The following AARS1 variants were observed in gnomAD, a reference collection of about 807,000 sequenced individuals.
AARS1 encodes alanine--tRNA ligase, cytoplasmic.
A neutral mutation model predicts 108.9 loss-of-function variants in AARS1; 72 were observed. The ratio of observed to expected loss-of-function variants is 0.66; its 90% CI spans 0.55 to 0.80. The LOEUF is 0.80. Ranked by LOEUF, AARS1 falls within the 30% of genes least tolerant of loss-of-function variation. The pLI is 0.00. For synonymous variants in AARS1, 489 were observed against 465.7 expected, an observed-to-expected ratio of 1.05 and a Z score of -0.64; for missense variants, 1,193 against 1,233.2, an observed-to-expected ratio of 0.97 and a Z score of 0.49.
intron 13 of AARS1, among the ~76,000 whole-genome samples, chr16:70,260,112 A>T (rs1960098503): frequency 1.3e-5 from 2 of 152,172 alleles, no homozygotes; most frequent in Admixed American, 1.3e-4. Flanking sequence ...CTGTTCATTT[A>T]CATATGGTCA....
chr16:70,256,565 G>T (rs755865646), intron 15 of AARS1, among the ~76,000 whole-genome samples: 3 of 152,140 alleles, frequency 2.0e-5, no homozygotes, highest in Non-Finnish European at 4.4e-5. Flanking sequence ...CTCCCTAAGT[G>T]CTGGGATTAA....
chr16:70,286,347 A>T (rs892698321), intron 1 of AARS1, among the ~76,000 whole-genome samples: 1 of 150,700 alleles, frequency 6.6e-6, no homozygotes. Context: ...CTGTGGCTCC[A>T]GCCACTCCAC....
In AARS1 at chr16:70,269,734, T is replaced by C. The variant is rs561670727; in HGVS notation, c.846A>G (p.Lys282=). The C allele has an allele frequency of 4.8e-5, 78 of 1,614,094 alleles. 1 individual carries two copies. In the South Asian group the frequency reaches 8.5e-4, roughly 17 times the overall value. ...TCCCATCGGCATCCTCAGCACCAAC[T>C]TTCCCAGTGTATGGTCGGGCACCTG... The part of the protein sequence containing the change: ...KGTGARPYTG[K]VGAEDADGID... Residue 282 remains lysine (K), a synonymous_variant, in exon 7 of 21, where the codon AAA becomes AAG. Coordinates refer to ENST00000261772, the MANE Select transcript of AARS1 (RefSeq NM_001605.3).
At chr16:70,285,742 C>T (rs917993573) in intron 1 of AARS1, among the ~76,000 whole-genome samples, 1 of 152,214 alleles carries the variant, frequency 6.6e-6, no homozygotes, top group East Asian at 1.9e-4. Context: ...AGCCACCGCG[C>T]CCAGCTAATT....
rs886052255 is a variant in AARS1, at chr16:70,262,430, C to T, written c.1587G>A (p.Leu529=). 1.9e-6 allele frequency: 3 copies of T among 1,614,184 alleles called. No homozygotes were observed. In the South Asian group the frequency reaches 3.3e-5, roughly 18 times the overall value. ...VSTGQECGVV[L]DKTCFYAEQG... is the part of the protein sequence containing the mutation. ...GCTCAGCATAGAAACAGGTCTTGTC[C>T]AGCACCACTCCACACTCCTGGCCTG... Residue 529 remains leucine, a synonymous_variant, in exon 12 of 21, where the codon CTG becomes CTA. Transcript: ENST00000261772.
intron 2 of AARS1, among the ~76,000 whole-genome samples, chr16:70,282,239 G>T (rs1960714553): frequency 6.8e-6 from 1 of 146,184 alleles, no homozygotes; most frequent in Non-Finnish European, 1.5e-5. Context: ...TGGGGCAGGA[G>T]AATGGCGTGA....
chr16:70,269,741 G>A lies in AARS1; in HGVS notation c.839C>T (p.Thr280Ile), dbSNP rs1039994291. The A allele has an allele frequency of 6.2e-7, 1 of 1,614,130 alleles. No individual in the cohort carries two copies. Among genetic ancestry groups the A allele is most frequent in the Non-Finnish European group, 8.5e-7 (1 of 1,180,026 alleles). ...IQKGTGARPY[T>I]GKVGAEDADG... ...GGCATCCTCAGCACCAACTTTCCCA[G>A]TGTATGGTCGGGCACCTGTGCCCTA... The change falls in exon 7 of 21, where the codon ACT becomes ATT. Residue 280 changes from threonine (T) to isoleucine (I), a missense_variant. Coordinates refer to ENST00000261772, the MANE Select transcript of AARS1 (RefSeq NM_001605.3).
chr16:70,272,374 C>T (rs530668355), intron 4 of AARS1, among the ~76,000 whole-genome samples: 10 of 151,558 alleles, frequency 6.6e-5, no homozygotes, highest in East Asian at 1.9e-4. Flanking sequence ...GGTGTGGTGG[C>T]GCATGCCTGT....
In AARS1 at chr16:70,259,189, G is replaced by GGAAAGGGCAGAGGGGCTC; in HGVS notation, c.1786-21_1786-4dup. ...CTCATGATGGGTCTTCGTCGGGGCTGGAAAGGGCAGAGGGGCTCATGGAGA... is the reference window on the plus strand; with the variant it reads ...CTCATGATGGGTCTTCGTCGGGGCTGGAAAGGGCAGAGGGGCTCGAAAGGGCAGAGGGGCTCATGGAGA... On this transcript the variant is annotated splice_region_variant and splice_polypyrimidine_tract_variant and intron_variant, in intron 13 of 20. Transcript: ENST00000261772. The GGAAAGGGCAGAGGGGCTC allele has an allele frequency of 6.2e-7, 1 of 1,613,752 alleles. No individual in the cohort carries two copies.
Position 70,264,152 on chromosome 16 carries a change from C to T in AARS1, c.1492+806G>A, listed in dbSNP as rs183220099. ...TCCCAGCTACTTGGGAGGCTGAGGC[C>T]GGAGAATCGCTTGAACCCAGGAGGT... On this transcript the variant is annotated intron_variant, in intron 11 of 20. Transcript: ENST00000261772. 5.3e-3 allele frequency among the ~76,000 whole-genome samples: 801 copies of T among 150,542 alleles called. 16 individuals are homozygous for T. The highest frequency in any genetic ancestry group is 0.018 in the African/African-American group (741 of 41,150).
chr16:70,277,096 C>T lies in AARS1; in HGVS notation c.203G>A (p.Arg68Lys), dbSNP rs750454792. The T allele has an allele frequency of 3.1e-6, 5 of 1,614,180 alleles. 1 individual carries two copies. In the South Asian group the frequency reaches 5.5e-5, roughly 18 times the overall value. ...DPSHPMAKLS[R>K]AANTQKCIRA... is the part of the protein sequence containing the mutation. ...GATGCACTTCTGGGTATTGGCAGCT[C>T]TGCTCAGCTTTGCCATGGGGTGAGA... Residue 68 changes from arginine to lysine, a missense_variant, in exon 3 of 21, where the codon AGA becomes AAA. Arg to Lys is a conservative substitution (Grantham distance 26). Transcript: ENST00000261772.
intron 7 of AARS1, 139 bp from the exon 8 acceptor site, chr16:70,268,518 C>A: frequency 3.0e-6 from 2 of 675,376 alleles, no homozygotes. Context: ...TCCCCAAGGT[C>A]ATTAATTTTA....
At chr16:70,275,198 T>C (rs1180514180) in intron 4 of AARS1, among the ~76,000 whole-genome samples, 4 of 152,118 alleles carry the variant, frequency 2.6e-5, no homozygotes, top group African/African-American at 9.6e-5. Flanking sequence ...AGGCAGAGGT[T>C]ACAGTGAGCC....
chr16:70,285,235 A>AG (rs1960810638), intron 1 of AARS1, among the ~76,000 whole-genome samples: 1 of 152,080 alleles, frequency 6.6e-6, no homozygotes, highest in Non-Finnish European at 1.5e-5. Context: ...TCTAAAAAAA[A>AG]AAAAAAAGGA....
At chr16:70,265,365 CATT>C in intron 10 of AARS1, 170 bp downstream of exon 10, 1 of 1,114,134 alleles carries the variant, frequency 9.0e-7, no homozygotes. Flanking sequence ...TGTCTTCAGA[CATT>C]ATCGCCAATT....
chr16:70,273,655 G>A (rs553881776), intron 4 of AARS1, among the ~76,000 whole-genome samples: 9 of 152,078 alleles, frequency 5.9e-5, no homozygotes, highest in Admixed American at 5.2e-4. Context: ...GAGGTCATGA[G>A]ATCGAGACCA....
At position 70,258,183 on chromosome 16, in the gene AARS1, G is replaced by A. The variant is rs371114066; in HGVS notation, c.2027C>T (p.Ala676Val). The A allele has an allele frequency of 1.2e-5, 20 of 1,604,134 alleles. No homozygotes were observed. Among genetic ancestry groups the A allele is most frequent in the Middle Eastern group, 1.7e-4 (1 of 5,936 alleles). The change falls in exon 15 of 21, where the codon GCG becomes GTG. Residue 676 changes from alanine (A) to valine (V), a missense_variant. By Grantham distance (64) the Ala-to-Val change is moderately conservative. Coordinates refer to ENST00000261772, the MANE Select transcript of AARS1 (RefSeq NM_001605.3). ...VYTQDCPLAA[A>V]KAIQGLRAVF... ...AGCCCGTAGGCCCTGGATGGCTTTC[G>A]CTGCTGCCAGGGGGCAATCCTGGGT...
At chr16:70,284,225 G>A (rs899387866) in intron 1 of AARS1, among the ~76,000 whole-genome samples, 3 of 151,732 alleles carry the variant, frequency 2.0e-5, no homozygotes, top group Non-Finnish European at 4.4e-5. Flanking sequence ...AGAATGGCAC[G>A]AACCCAGGAG....
At chr16:70,272,781 G>T (rs1174141643) in intron 4 of AARS1, among the ~76,000 whole-genome samples, 14 of 150,996 alleles carry the variant, frequency 9.3e-5, no homozygotes, top group Admixed American at 3.3e-4. Context: ...AATTAGCTGG[G>T]GGGGTGATGC....
Sources: gnomAD v4.1 joint callset for allele counts (sites outside exome capture counted in the v4.1 genomes callset) on GRCh38, gnomAD v4.1.1 for gene constraint, MANE v1.5 for transcripts, NCBI Gene and HGNC (gene_info 2026-07-23, HGNC 2026-07-21) for gene names.